LRP1B: variants seen among roughly 807,000 people sequenced by gnomAD.
LRP1B encodes the protein low-density lipoprotein receptor-related protein 1B.
LRP1B carries 217 observed loss-of-function variants against 556.6 expected under a neutral mutation model. That is an observed-to-expected ratio of 0.39 (90% CI 0.35 to 0.44). The LOEUF (loss-of-function observed/expected upper bound fraction) is 0.44, where lower values mean the gene tolerates loss of function less well. Ranked by LOEUF, LRP1B falls within the 20% of genes least tolerant of loss-of-function variation. The probability of loss-of-function intolerance (pLI) is 1.00; values close to 1 mark genes in which losing one functional copy is unlikely to be tolerated. For missense variants in LRP1B, 5,053 were observed against 5,620.8 expected (o/e 0.90, Z 3.23); for synonymous variants, 2,047 against 1,865.8 (o/e 1.10, Z -2.50).
chr2:142,108,364 A>G (rs1274726619), intron 1 of LRP1B, among the ~76,000 whole-genome samples: 2 of 152,126 alleles, frequency 1.3e-5, no homozygotes, highest in African/African-American at 4.8e-5. Flanking sequence ...AAAAATCTAT[A>G]GGATCAGTCT....
At chr2:140,539,579 C>T (rs1371722497) in intron 45 of LRP1B, among the ~76,000 whole-genome samples, 1 of 152,066 alleles carries the variant, frequency 6.6e-6, no homozygotes, top group Non-Finnish European at 1.5e-5. Context: ...AAGGACAGGC[C>T]TCCACCGAAC....
intron 31 of LRP1B, among the ~76,000 whole-genome samples, chr2:140,836,439 T>C (rs1191383981): frequency 2.0e-5 from 3 of 152,238 alleles, no homozygotes; most frequent in Non-Finnish European, 4.4e-5. Flanking sequence ...TTTATGTGTA[T>C]GTGAAAATTG....
At chr2:141,444,262 G>A (rs1431106773) in intron 3 of LRP1B, among the ~76,000 whole-genome samples, 4 of 152,256 alleles carry the variant, frequency 2.6e-5, no homozygotes, top group Non-Finnish European at 5.9e-5. Flanking sequence ...AAATGCTTGT[G>A]ATTTTTGCAC....
chr2:141,277,134 T>C (rs924944256), intron 3 of LRP1B, among the ~76,000 whole-genome samples: 2 of 152,324 alleles, frequency 1.3e-5, no homozygotes, highest in South Asian at 4.1e-4. Flanking sequence ...GAACAATTTA[T>C]TTTCCTTTGG....
intron 21 of LRP1B, among the ~76,000 whole-genome samples, chr2:140,915,129 G>A (rs1358887585): frequency 5.3e-5 from 8 of 152,202 alleles, no homozygotes; most frequent in African/African-American, 1.7e-4. Context: ...TGCAAGGGGT[G>A]GAGGAATTAG....
chr2:141,461,276 C>G (rs926763921), intron 3 of LRP1B, among the ~76,000 whole-genome samples: 1 of 152,068 alleles, frequency 6.6e-6, no homozygotes, highest in Admixed American at 6.6e-5. Context: ...TCAACTTTGT[C>G]AAAAACTATT....
At chr2:140,444,897 G>T (rs1686586798) in intron 63 of LRP1B, among the ~76,000 whole-genome samples, 1 of 152,046 alleles carries the variant, frequency 6.6e-6, no homozygotes, top group South Asian at 2.1e-4. Context: ...TACTTTAGAA[G>T]ATAGGAATTA....
chr2:141,183,478 G>T (rs1207439780), intron 7 of LRP1B, among the ~76,000 whole-genome samples: 1 of 151,964 alleles, frequency 6.6e-6, no homozygotes, highest in Non-Finnish European at 1.5e-5. Context: ...CTTCAATACT[G>T]TCAATCATTC....
At chr2:140,596,639 G>T (rs1682453356) in intron 43 of LRP1B, among the ~76,000 whole-genome samples, 3 of 152,204 alleles carry the variant, frequency 2.0e-5, no homozygotes, top group Non-Finnish European at 1.5e-5. Context: ...CAAGGCATGA[G>T]GAAGTGGTCA....
At chr2:140,645,424 C>T (rs1239963651) in intron 41 of LRP1B, among the ~76,000 whole-genome samples, 1 of 151,268 alleles carries the variant, frequency 6.6e-6, no homozygotes, top group Non-Finnish European at 1.5e-5. Context: ...CTTGTCTGTT[C>T]ACTTCAGATT....
intron 11 of LRP1B, among the ~76,000 whole-genome samples, chr2:141,035,338 T>G (rs1353875501): frequency 1.4e-5 from 2 of 146,758 alleles, no homozygotes; most frequent in African/African-American, 5.1e-5. Context: ...ACATGTACCC[T>G]AAAACTTGAA....
intron 7 of LRP1B, among the ~76,000 whole-genome samples, chr2:141,186,087 A>AAAG (rs1467311383): frequency 6.6e-6 from 1 of 151,072 alleles, no homozygotes; most frequent in Non-Finnish European, 1.5e-5. Context: ...TCAAAAAAAA[A>AAAG]AAAAAAAAAA....
rs1362383251 is a variant in LRP1B at position 140,565,361 on chromosome 2, T to G, written c.7195-23390A>C. Among the ~76,000 whole-genome samples the G allele has an allele frequency of 2.0e-5, 3 of 151,944 alleles. No individual in the cohort carries two copies. In the East Asian group the frequency reaches 5.8e-4, roughly 29 times the overall value. ...TTAACCCATGTAATAATAAAATGTT[T>G]GAAAATTAGGATTTAAGATTCTTCA... On this transcript the variant is annotated intron_variant, in intron 43 of 90. Coordinates refer to ENST00000389484, the MANE Select transcript of LRP1B (RefSeq NM_018557.3).
At chr2:140,657,515 G>T (rs1325948281) in intron 41 of LRP1B, among the ~76,000 whole-genome samples, 2 of 150,018 alleles carry the variant, frequency 1.3e-5, no homozygotes, top group Admixed American at 6.7e-5. Flanking sequence ...AAAAATAAGA[G>T]GGCTGGCTGG....
intron 35 of LRP1B, among the ~76,000 whole-genome samples, chr2:140,735,572 G>A (rs1687918966): frequency 6.6e-6 from 1 of 152,060 alleles, no homozygotes; most frequent in Non-Finnish European, 1.5e-5. Context: ...CTGAAAGATG[G>A]GATGAGAATA....
chr2:140,254,885 C>T (rs1167710758), intron 86 of LRP1B, among the ~76,000 whole-genome samples: 3 of 152,112 alleles, frequency 2.0e-5, no homozygotes, highest in Non-Finnish European at 2.9e-5. Context: ...TTCTACATAG[C>T]GACCAAAATG....
chr2:140,682,513 T>A (rs1347949488), intron 41 of LRP1B, among the ~76,000 whole-genome samples: 2 of 152,176 alleles, frequency 1.3e-5, no homozygotes, highest in Non-Finnish European at 2.9e-5. Context: ...TGGGCTGGGC[T>A]GCAGGTATAC....
intron 3 of LRP1B, among the ~76,000 whole-genome samples, chr2:141,255,527 C>T (rs569140636): frequency 1.3e-5 from 2 of 152,090 alleles, no homozygotes; most frequent in African/African-American, 4.8e-5. Flanking sequence ...CTGAAACATT[C>T]CAAACTGAAC....
At position 140,999,465 on chromosome 2, in the gene LRP1B, CAT is replaced by C. The variant is rs760688805; in HGVS notation, c.2504-5332_2504-5331del. On this transcript the variant is annotated intron_variant, in intron 15 of 90. Coordinates refer to ENST00000389484, the MANE Select transcript of LRP1B (RefSeq NM_018557.3). ...TCTACTTTCACCAGGTGTAAAATCA[CAT>C]GTGTACCACCATGATAACAGATTTT... Among the ~76,000 whole-genome samples, 37 of 152,216 alleles carry C rather than the reference CAT, an allele frequency of 2.4e-4. 1 individual carries two copies. The highest frequency in any genetic ancestry group is 2.3e-3 in the East Asian group (12 of 5,174).
Sources: allele counts gnomAD v4.1 joint callset (sites outside exome capture counted in the v4.1 genomes callset), GRCh38; gene constraint gnomAD v4.1.1; transcripts MANE v1.5; gene names NCBI Gene and HGNC (gene_info 2026-07-23, HGNC 2026-07-21).